Variants in KLHL5 observed in about 807,000 individuals in gnomAD.
The protein encoded by KLHL5 is kelch like family member 5, also known as kelch-like protein 5.
KLHL5 carries 48 observed loss-of-function variants against 77.7 expected under a neutral mutation model. The ratio of observed to expected loss-of-function variants is 0.62; its 90% CI spans 0.49 to 0.79. KLHL5 has a LOEUF of 0.79. KLHL5 is among the 30% of genes least tolerant of loss of function. The pLI, the probability that KLHL5 is intolerant of heterozygous loss-of-function variation, is 0.00. For missense variants in KLHL5, 723 were observed against 859.7 expected (o/e 0.84, Z 1.99); for synonymous variants, 260 against 297.0 (o/e 0.88, Z 1.28).
intron 2 of KLHL5, among the ~76,000 whole-genome samples, chr4:39,076,767 C>A (rs1577673459): frequency 6.8e-6 from 1 of 146,442 alleles, no homozygotes. Context: ...TTTTGGATGC[C>A]CATCAAAACT....
the KLHL5 span, among the ~76,000 whole-genome samples, chr4:39,132,953 A>G: frequency 6.6e-6 from 1 of 152,234 alleles, no homozygotes; most frequent in Admixed American, 6.5e-5. Context: ...AGCATTTCAG[A>G]AAGTATTGTA....
chr4:39,117,875 G>T (rs138453396), intron 10 of KLHL5, among the ~76,000 whole-genome samples: 1 of 151,996 alleles, frequency 6.6e-6, no homozygotes, highest in Non-Finnish European at 1.5e-5. Flanking sequence ...AGGAGTTCGA[G>T]ACCAGCATGG....
At chr4:39,100,379 C>T (rs1721434904) in intron 6 of KLHL5, among the ~76,000 whole-genome samples, 2 of 152,198 alleles carry the variant, frequency 1.3e-5, no homozygotes, top group Non-Finnish European at 2.9e-5. Context: ...CAAATTTCTG[C>T]TGCCATCCTT....
rs1371873892 is a variant in KLHL5 at position 39,123,432 on chromosome 4, C to T, written c.*2366C>T. 6.6e-6 allele frequency among the ~76,000 whole-genome samples: 1 copy of T among 152,154 alleles called. No individual in the cohort carries two copies. Among genetic ancestry groups the T allele is most frequent in the Non-Finnish European group, 1.5e-5 (1 of 68,008 alleles). On this transcript the variant is annotated 3_prime_UTR_variant, in exon 11 of 11. Transcript: ENST00000504108. Reference sequence around the variant, plus strand: ...ACAGGGAAGCTACAGACCAATATCCCTTATGAATATAGATGCAAAAAAACT... The same window carrying T: ...ACAGGGAAGCTACAGACCAATATCCTTTATGAATATAGATGCAAAAAAACT...
rs750285965 is a variant in KLHL5, at chr4:39,086,568, C to T, written c.954C>T (p.Ser318=). The stretch of plus-strand genomic sequence containing the variant: ...AGGAATTTGTATTATTACCAGCCAG[C>T]GAAATTGCAAAGCTCTTGGCTAGTG... ...RNQEFVLLPA[S]EIAKLLASDD... is the part of the protein sequence containing the mutation. The change falls in exon 5 of 11, where the codon AGC becomes AGT. Residue 318 remains serine (S), a synonymous_variant. Transcript: ENST00000504108. 12 of 1,613,704 alleles carry T rather than the reference C, an allele frequency of 7.4e-6. No individual in the cohort carries two copies. Among genetic ancestry groups the T allele is most frequent in the African/African-American group, 4.0e-5 (3 of 74,848 alleles).
chr4:39,090,263 A>G lies in KLHL5; in HGVS notation c.1113+3536A>G, dbSNP rs995368329. Among the ~76,000 whole-genome samples, 3 of 152,318 alleles carry G rather than the reference A, an allele frequency of 2.0e-5. No individual in the cohort carries two copies. In the East Asian group the frequency reaches 5.8e-4, roughly 29 times the overall value. The stretch of plus-strand genomic sequence containing the variant: ...TTTTTGTGAAATAGTTCCTTTTCCA[A>G]TGATACCAACTAAATGAGATTTTAT... On this transcript the variant is annotated intron_variant, in intron 5 of 10. Transcript: ENST00000504108.
At chr4:39,053,465 T>C (rs987739904) in intron 1 of KLHL5, among the ~76,000 whole-genome samples, 2 of 152,240 alleles carry the variant, frequency 1.3e-5, no homozygotes, top group Admixed American at 6.5e-5. Context: ...TTTGTGGTTA[T>C]CCAGATTGTT....
chr4:39,092,163 T>C (rs1049075557), intron 5 of KLHL5, among the ~76,000 whole-genome samples: 15 of 152,304 alleles, frequency 9.8e-5, no homozygotes, highest in Admixed American at 7.2e-4. Flanking sequence ...TAATTTGCTC[T>C]TCTTTTGTAG....
At chr4:39,091,610 T>C (rs1720556446) in intron 5 of KLHL5, among the ~76,000 whole-genome samples, 1 of 152,108 alleles carries the variant, frequency 6.6e-6, no homozygotes, top group Non-Finnish European at 1.5e-5. Flanking sequence ...AAGTCAGAAA[T>C]ATAAAATGAG....
chr4:39,071,704 A>C (rs1014135859), intron 1 of KLHL5, among the ~76,000 whole-genome samples: 1 of 152,212 alleles, frequency 6.6e-6, no homozygotes, highest in Non-Finnish European at 1.5e-5. Flanking sequence ...TGCTCTGTGA[A>C]TAGTTGGTGA....
chr4:39,137,833 T>C, the KLHL5 span, among the ~76,000 whole-genome samples: 1 of 151,856 alleles, frequency 6.6e-6, no homozygotes, highest in Non-Finnish European at 1.5e-5. Flanking sequence ...AAATAAGATC[T>C]AATAGCCAGC....
chr4:39,088,259 C>T (rs996851513), intron 5 of KLHL5, among the ~76,000 whole-genome samples: 1 of 152,174 alleles, frequency 6.6e-6, no homozygotes. Context: ...TAAAATATCT[C>T]TTATCCAGGA....
At position 39,121,336 on chromosome 4, in the gene KLHL5, T is replaced by C. The variant is rs1012736859; in HGVS notation, c.*270T>C. The C allele has an allele frequency of 4.3e-6, 2 of 460,910 alleles. No homozygotes were observed. The highest frequency in any genetic ancestry group is 7.8e-6 in the Non-Finnish European group (2 of 255,102). 28.6% of individuals were successfully genotyped at this position (460,910 alleles called of 1,614,324 possible). ...ATAAGTGAGGACGAATGCACTGCTC[T>C]GGAACATAACCCAGTGCTAACTGGG... On this transcript the variant is annotated 3_prime_UTR_variant, in exon 11 of 11. Transcript: ENST00000504108.
chr4:39,136,886 C>T, the KLHL5 span, among the ~76,000 whole-genome samples: 8 of 152,114 alleles, frequency 5.3e-5, no homozygotes, highest in East Asian at 1.9e-4. Context: ...CCATCCACGA[C>T]GGAGAACTGC....
At chr4:39,078,708 G>A (rs1719324829) in intron 2 of KLHL5, among the ~76,000 whole-genome samples, 1 of 151,928 alleles carries the variant, frequency 6.6e-6, no homozygotes, top group Admixed American at 6.6e-5. Flanking sequence ...TTCACCCCCA[G>A]CAAAAAAGAA....
rs757970467 is a variant in KLHL5 at position 39,076,090 on chromosome 4, A to G, written c.509A>G (p.His170Arg). ...TFKKMENYLR[H>R]KQLCDVILVA... Reference sequence around the variant, plus strand: ...AAAAAAATGGAAAACTATTTGAGACATAAACAGTTGTGTGATGTAATTTTA... The same window carrying G: ...AAAAAAATGGAAAACTATTTGAGACGTAAACAGTTGTGTGATGTAATTTTA... Residue 170 changes from histidine (H) to arginine (R), a missense_variant, in exon 2 of 11, where the codon CAT becomes CGT. This residue lies in a region of KLHL5 where 221 missense variants were observed against 222.1 expected (regional missense o/e 1.00). Transcript: ENST00000504108. 2.6e-5 allele frequency: 41 copies of G among 1,607,712 alleles called. No individual in the cohort carries two copies. The highest frequency in any genetic ancestry group is 1.7e-4 in the Middle Eastern group (1 of 6,050).
chr4:39,112,654 T>C (rs1722528125), intron 8 of KLHL5: 1 of 200,642 alleles, frequency 5.0e-6, no homozygotes, highest in Admixed American at 5.4e-5. Flanking sequence ...GTCTTAACTA[T>C]TAAAAAAAAA....
At position 39,124,776 on chromosome 4, in the gene KLHL5, G is replaced by A. The variant is rs557850093; in HGVS notation, c.*3710G>A. Among the ~76,000 whole-genome samples the A allele has an allele frequency of 2.7e-5, 3 of 110,598 alleles. No homozygotes were observed. In the East Asian group the frequency reaches 8.0e-4, roughly 30 times the overall value. The allele number at this position is 110,598 out of a possible 152,430, so 72.6% of individuals were successfully genotyped here. A position where few individuals can be genotyped will look rare whatever the true frequency, so the allele number is the denominator to read the frequency against. On this transcript the variant is annotated 3_prime_UTR_variant, in exon 11 of 11. Transcript: ENST00000504108. ...GATTTGGCAATGGTTTCTTAGATAT[G>A]GCACCAAAAGCACAAGCAACAACAG...
At position 39,062,329 on chromosome 4, in the gene KLHL5, G is replaced by GTA. The variant is rs1304548165; in HGVS notation, c.-323_-322insAT. 9.9e-6 allele frequency: 14 copies of GTA among 1,409,592 alleles called. No homozygotes were observed. In the African/African-American group the frequency reaches 2.0e-4, roughly 20 times the overall value. 87.3% of individuals were successfully genotyped at this position (1,409,592 alleles called of 1,614,324 possible). A position where few individuals can be genotyped will look rare whatever the true frequency, so the allele number is the denominator to read the frequency against. ...GAAAGGACTTTAATGAATGCTGTCAGTGTTTGTGAGACCTAATGGTCAGTA... is the reference window on the plus strand; with the variant it reads ...GAAAGGACTTTAATGAATGCTGTCAGTATGTTTGTGAGACCTAATGGTCAGTA... On this transcript the variant is annotated 5_prime_UTR_variant, in exon 1 of 11. It adds an upstream start codon to the 5' untranslated region. Transcript: ENST00000504108.
Sources: gnomAD v4.1 joint callset for allele counts (sites outside exome capture counted in the v4.1 genomes callset) on GRCh38, gnomAD v4.1.1 for gene constraint, gnomAD v4.1.1 regional missense constraint, MANE v1.5 for transcripts, NCBI Gene and HGNC (gene_info 2026-07-23, HGNC 2026-07-21) for gene names.